The following PCDHB6 variants were observed in gnomAD, a reference collection of about 807,000 sequenced individuals.
PCDHB6 encodes protocadherin beta-6.
For synonymous variants in PCDHB6, 506 were observed against 459.0 expected, an observed-to-expected ratio of 1.10 and a Z score of -1.31; for missense variants, 1,137 against 1,010.1, an observed-to-expected ratio of 1.13 and a Z score of -1.70.
chr5:141,152,229 G>T lies in PCDHB6; in HGVS notation c.1972G>T (p.Val658Leu), dbSNP rs782384879. The T allele has an allele frequency of 2.0e-5, 32 of 1,607,112 alleles. No individual in the cohort carries two copies. The African/African-American group carries it at 2.1e-4, about 11-fold the overall frequency. ...PPRSATATLHVLLVDGFSQPY... is the reference protein window; with the variant it reads ...PPRSATATLHLLLVDGFSQPY... ...GCGCTCGGCCACCGCCACGCTGCAC[G>T]TGCTCCTGGTGGACGGCTTCTCCCA... Residue 658 changes from valine to leucine, a missense_variant, in exon 1 of 1, where the codon GTG becomes TTG. Val to Leu is a conservative substitution (Grantham distance 32). Transcript: ENST00000231136.
rs1554277429 is a variant in PCDHB6, at chr5:141,150,513, A to T, written c.256A>T (p.Asn86Tyr). The T allele has an allele frequency of 6.2e-7, 1 of 1,614,158 alleles. No individual in the cohort carries two copies. The highest frequency in any genetic ancestry group is 8.5e-7 in the Non-Finnish European group (1 of 1,180,030). ...FDPQTHDLLL[N>Y]EKLDREELCG... ...TCCACAGACCCATGATTTACTGCTA[A>T]ATGAAAAACTGGACCGGGAGGAGCT... Residue 86 changes from asparagine to tyrosine, a missense_variant, in exon 1 of 1, where the codon AAT (asparagine) becomes TAT (tyrosine). Coordinates refer to ENST00000231136, the MANE Select transcript of PCDHB6 (RefSeq NM_018939.4).
rs782386083 is a variant in PCDHB6 at position 141,152,099 on chromosome 5, C to T, written c.1842C>T (p.Gly614=). Residue 614 remains glycine (G), a synonymous_variant, in exon 1 of 1, where the codon GGC becomes GGT. Transcript: ENST00000231136. ...AGGCCACGGAGCTCGGTCTGTTCGG[C>T]GTGTGGGCGCACAATGGCGAGGTGC... The part of the protein sequence containing the change: ...LLKATELGLF[G]VWAHNGEVRT... 362 of 1,605,664 alleles carry T rather than the reference C, an allele frequency of 2.3e-4. 1 individual carries two copies. Among genetic ancestry groups the T allele is most frequent in the Non-Finnish European group, 2.6e-4 (309 of 1,178,768 alleles).
rs1392741164 is a variant in PCDHB6 at position 141,151,488 on chromosome 5, A to G, written c.1231A>G (p.Ser411Gly). The change falls in exon 1 of 1, where the codon AGC (serine) becomes GGC (glycine). Residue 411 changes from serine to glycine, a missense_variant. Ser to Gly is a moderately conservative substitution (Grantham distance 56). Coordinates refer to ENST00000231136, the MANE Select transcript of PCDHB6 (RefSeq NM_018939.4). ...LVTEGALDRESRAEYNITITV... is the reference protein window; with the variant it reads ...LVTEGALDREGRAEYNITITV... Reference sequence around the variant, plus strand: ...AACAGAAGGCGCGCTGGACAGAGAGAGCAGAGCCGAGTACAACATCACTAT... The same window carrying G: ...AACAGAAGGCGCGCTGGACAGAGAGGGCAGAGCCGAGTACAACATCACTAT... The G allele has an allele frequency of 1.2e-6, 2 of 1,614,032 alleles. No homozygotes were observed. The highest frequency in any genetic ancestry group is 1.7e-6 in the Non-Finnish European group (2 of 1,180,038).
In PCDHB6 at chr5:141,150,828, C is replaced by A; in HGVS notation, c.571C>A (p.Pro191Thr). The A allele has an allele frequency of 6.2e-7, 1 of 1,614,184 alleles. No homozygotes were observed. Among genetic ancestry groups the A allele is most frequent in the Non-Finnish European group, 8.5e-7 (1 of 1,180,034 alleles). ...TRNRSEGRKFPELVLDKPLDR... is the reference protein window; with the variant it reads ...TRNRSEGRKFTELVLDKPLDR... ...CAATCGCAGCGAAGGCAGGAAGTTCCCGGAGCTGGTGCTAGACAAACCGTT... is the reference window on the plus strand; with the variant it reads ...CAATCGCAGCGAAGGCAGGAAGTTCACGGAGCTGGTGCTAGACAAACCGTT... The change falls in exon 1 of 1, where the codon CCG becomes ACG. Residue 191 changes from proline (P) to threonine (T), a missense_variant. Transcript: ENST00000231136.
chr5:141,151,476 C>G lies in PCDHB6; in HGVS notation c.1219C>G (p.Leu407Val). 6.2e-7 allele frequency: 1 copy of G among 1,614,164 alleles called. No individual in the cohort carries two copies. Among genetic ancestry groups the G allele is most frequent in the African/African-American group, 1.3e-5 (1 of 75,022 alleles). ...CTACACCCTGGTAACAGAAGGCGCG[C>G]TGGACAGAGAGAGCAGAGCCGAGTA... ...NFYTLVTEGA[L>V]DRESRAEYNI... Residue 407 changes from leucine to valine, a missense_variant, in exon 1 of 1, where the codon CTG becomes GTG. Transcript: ENST00000231136.
rs1228348814 is a variant in PCDHB6, at chr5:141,152,885, A to G, written c.*243A>G. 1 of 301,260 alleles carries G rather than the reference A, an allele frequency of 3.3e-6. No individual in the cohort carries two copies. Among genetic ancestry groups the G allele is most frequent in the Non-Finnish European group, 6.3e-6 (1 of 159,102 alleles). The allele number at this position is 301,260 out of a possible 1,614,324, so 18.7% of individuals were successfully genotyped here. On this transcript the variant is annotated 3_prime_UTR_variant, in exon 1 of 1. Transcript: ENST00000231136. Reference sequence around the variant, plus strand: ...CATAATTTTAAGCTTTTGAAATTAAATTATCTATTCTTCCCCCCCCCAAAA... The same window carrying G: ...CATAATTTTAAGCTTTTGAAATTAAGTTATCTATTCTTCCCCCCCCCAAAA...
rs782588449 is a variant in PCDHB6 at position 141,151,053 on chromosome 5, A to G, written c.796A>G (p.Arg266Gly). 3.1e-6 allele frequency: 5 copies of G among 1,614,120 alleles called. No homozygotes were observed. The highest frequency in any genetic ancestry group is 3.3e-5 in the Admixed American group (2 of 60,006). Reference protein sequence around the residue: ...LGSLVITVSARDLDAGSFGKV... With the variant: ...LGSLVITVSAGDLDAGSFGKV... ...CTCTCTGGTTATTACCGTCTCAGCCAGAGATTTAGATGCAGGATCGTTTGG... is the reference window on the plus strand; with the variant it reads ...CTCTCTGGTTATTACCGTCTCAGCCGGAGATTTAGATGCAGGATCGTTTGG... Residue 266 changes from arginine to glycine, a missense_variant, in exon 1 of 1, where the codon AGA becomes GGA. Arg to Gly is a moderately radical substitution (Grantham distance 125, BLOSUM62 -2). Coordinates refer to ENST00000231136, the MANE Select transcript of PCDHB6 (RefSeq NM_018939.4).
Position 141,151,555 on chromosome 5 carries a change from A to T in PCDHB6, c.1298A>T (p.Gln433Leu). Residue 433 changes from glutamine (Q) to leucine (L), a missense_variant, in exon 1 of 1, where the codon CAG becomes CTG. By Grantham distance (113) the Gln-to-Leu change is moderately radical. Transcript: ENST00000231136. ...GGGACACCAAGGCTGAAAACCCAGC[A>T]GAGCATAACTGTGCAGGTCTCCGAC... The part of the protein sequence containing the change: ...DLGTPRLKTQ[Q>L]SITVQVSDVN... The T allele has an allele frequency of 6.2e-7, 1 of 1,614,198 alleles. No individual in the cohort carries two copies.
In PCDHB6 at chr5:141,151,916, C is replaced by T. The variant is rs781860579; in HGVS notation, c.1659C>T (p.Asn553=). 1.9e-6 allele frequency: 3 copies of T among 1,611,684 alleles called. No individual in the cohort carries two copies. Among genetic ancestry groups the T allele is most frequent in the Non-Finnish European group, 2.5e-6 (3 of 1,179,762 alleles). Residue 553 remains asparagine, a synonymous_variant, in exon 1 of 1, where the codon AAC becomes AAT. Transcript: ENST00000231136. Reference sequence around the variant, plus strand: ...TGCGCTTGCTGGTGCTGGACGCCAACGACAACTCGCCCTTCGTGTTGTACC... The same window carrying T: ...TGCGCTTGCTGGTGCTGGACGCCAATGACAACTCGCCCTTCGTGTTGTACC... ...ALVRLLVLDA[N]DNSPFVLYPL...
In PCDHB6 at chr5:141,150,142, G is replaced by C. The variant is rs782248955; in HGVS notation, c.-116G>C. On this transcript the variant is annotated 5_prime_UTR_variant, in exon 1 of 1. Coordinates refer to ENST00000231136, the MANE Select transcript of PCDHB6 (RefSeq NM_018939.4). ...GTGTCCGGGAAGGCAGTCGTCGCCA[G>C]ACAAGTTGTAAGAACGAATTTAAAA... 8 of 793,184 alleles carry C rather than the reference G, an allele frequency of 1.0e-5. No homozygotes were observed. The highest frequency in any genetic ancestry group is 1.2e-5 in the Non-Finnish European group (6 of 501,044). The allele number at this position is 793,184 out of a possible 1,614,324, so 49.1% of individuals were successfully genotyped here. A position where few individuals can be genotyped will look rare whatever the true frequency, so the allele number is the denominator to read the frequency against.
chr5:141,150,835 T>C lies in PCDHB6; in HGVS notation c.578T>C (p.Leu193Pro), dbSNP rs1752837038. Reference sequence around the variant, plus strand: ...AGCGAAGGCAGGAAGTTCCCGGAGCTGGTGCTAGACAAACCGTTGGACCGC... The same window carrying C: ...AGCGAAGGCAGGAAGTTCCCGGAGCCGGTGCTAGACAAACCGTTGGACCGC... ...NRSEGRKFPE[L>P]VLDKPLDREE... Residue 193 changes from leucine to proline, a missense_variant, in exon 1 of 1, where the codon CTG (leucine) becomes CCG (proline). Transcript: ENST00000231136. 9 of 1,614,232 alleles carry C rather than the reference T, an allele frequency of 5.6e-6. No individual in the cohort carries two copies. The highest frequency in any genetic ancestry group is 7.6e-6 in the Non-Finnish European group (9 of 1,180,040).
rs986638750 is a variant in PCDHB6 at position 141,153,138 on chromosome 5, T to C, written c.*496T>C. 14 of 167,008 alleles carry C rather than the reference T, an allele frequency of 8.4e-5. No homozygotes were observed. The highest frequency in any genetic ancestry group is 3.4e-4 in the African/African-American group (14 of 41,346). The allele number at this position is 167,008 out of a possible 1,614,324, so 10.3% of individuals were successfully genotyped here. A position where few individuals can be genotyped will look rare whatever the true frequency, so the allele number is the denominator to read the frequency against. ...TTATGCATATTTTAGTATCCCATAA[T>C]AGTCAATCCAAAATTTTTGTGACTA... is the stretch of plus-strand genomic sequence containing the variant. On this transcript the variant is annotated 3_prime_UTR_variant, in exon 1 of 1. Coordinates refer to ENST00000231136, the MANE Select transcript of PCDHB6 (RefSeq NM_018939.4).
rs377201381 is a variant in PCDHB6 at position 141,150,327 on chromosome 5, G to C, written c.70G>C (p.Glu24Gln). The C allele has an allele frequency of 6.2e-7, 1 of 1,614,196 alleles. No individual in the cohort carries two copies. Among genetic ancestry groups the C allele is most frequent in the Admixed American group, 1.7e-5 (1 of 60,028 alleles). The change falls in exon 1 of 1, where the codon GAG becomes CAG. Residue 24 changes from glutamate to glutamine, a missense_variant. By Grantham distance (29) the Glu-to-Gln change is conservative. Coordinates refer to ENST00000231136, the MANE Select transcript of PCDHB6 (RefSeq NM_018939.4). ...AFFILLMLWG[E>Q]VGSESIQYSV... ...CTTCATTTTATTGATGCTTTGGGGAGAGGTGGGTTCTGAATCGATTCAGTA... is the reference window on the plus strand; with the variant it reads ...CTTCATTTTATTGATGCTTTGGGGACAGGTGGGTTCTGAATCGATTCAGTA...
rs1261815029 is a variant in PCDHB6, at chr5:141,153,113, T to C, written c.*471T>C. 6.0e-6 allele frequency: 1 copy of C among 167,264 alleles called. No homozygotes were observed. The highest frequency in any genetic ancestry group is 6.5e-5 in the Admixed American group (1 of 15,302). The allele number at this position is 167,264 out of a possible 1,614,324, so 10.4% of individuals were successfully genotyped here. On this transcript the variant is annotated 3_prime_UTR_variant, in exon 1 of 1. Coordinates refer to ENST00000231136, the MANE Select transcript of PCDHB6 (RefSeq NM_018939.4). Reference sequence around the variant, plus strand: ...TAAACACTAAAGTAGCCATTCATACTTATGCATATTTTAGTATCCCATAAT... The same window carrying C: ...TAAACACTAAAGTAGCCATTCATACCTATGCATATTTTAGTATCCCATAAT...
rs781832008 is a variant in PCDHB6 at position 141,152,371 on chromosome 5, T to A, written c.2114T>A (p.Leu705Gln). ...TCGCTCTTCCTCTTTTCGGTGCTCC[T>A]GTTCGTGGCGGTGCGGCTGTGCAGG... is the stretch of plus-strand genomic sequence containing the variant. Reference protein sequence around the residue: ...VSSLFLFSVLLFVAVRLCRRS... With the variant: ...VSSLFLFSVLQFVAVRLCRRS... The change falls in exon 1 of 1, where the codon CTG becomes CAG. Residue 705 changes from leucine to glutamine, a missense_variant. Physicochemically the swap from Leu to Gln is moderately radical, Grantham distance 113. Transcript: ENST00000231136. 3 of 1,611,858 alleles carry A rather than the reference T, an allele frequency of 1.9e-6. No homozygotes were observed. Among genetic ancestry groups the A allele is most frequent in the South Asian group, 2.2e-5 (2 of 91,032 alleles).
At position 141,152,143 on chromosome 5, in the gene PCDHB6, G is replaced by T; in HGVS notation, c.1886G>T (p.Ser629Ile). 6.2e-7 allele frequency: 1 copy of T among 1,607,874 alleles called. No individual in the cohort carries two copies. The highest frequency in any genetic ancestry group is 8.5e-7 in the Non-Finnish European group (1 of 1,179,704). Residue 629 changes from serine to isoleucine, a missense_variant, in exon 1 of 1, where the codon AGC (serine) becomes ATC (isoleucine). By Grantham distance (142) the Ser-to-Ile change is moderately radical (BLOSUM62 -2). Coordinates refer to ENST00000231136, the MANE Select transcript of PCDHB6 (RefSeq NM_018939.4). ...NGEVRTARLL[S>I]ERDAAKHRLV... ...GAGGTGCGCACCGCCAGGCTGCTGA[G>T]CGAGCGAGACGCAGCCAAGCACAGG...
Position 141,151,588 on chromosome 5 carries a change from A to T in PCDHB6, c.1331A>T (p.Asp444Val), listed in dbSNP as rs781946790. 1 of 1,613,964 alleles carries T rather than the reference A, an allele frequency of 6.2e-7. No homozygotes were observed. The highest frequency in any genetic ancestry group is 8.5e-7 in the Non-Finnish European group (1 of 1,180,024). The change falls in exon 1 of 1, where the codon GAC (aspartate) becomes GTC (valine). Residue 444 changes from aspartate (D) to valine (V), a missense_variant. By Grantham distance (152) the Asp-to-Val change is radical. Transcript: ENST00000231136. ...ACTGTGCAGGTCTCCGACGTCAATG[A>T]CAACGCCCCCGCCTTCACCCAAACC... ...SITVQVSDVN[D>V]NAPAFTQTSY...
chr5:141,150,226 G>C lies in PCDHB6; in HGVS notation c.-32G>C. On this transcript the variant is annotated 5_prime_UTR_variant, in exon 1 of 1. Coordinates refer to ENST00000231136, the MANE Select transcript of PCDHB6 (RefSeq NM_018939.4). Reference sequence around the variant, plus strand: ...AGATGTGGTGATTGGGAGCTGAAAAGGATTTTTCTTCCGTATTCAGACATA... The same window carrying C: ...AGATGTGGTGATTGGGAGCTGAAAACGATTTTTCTTCCGTATTCAGACATA... 1 of 1,527,808 alleles carries C rather than the reference G, an allele frequency of 6.5e-7. No individual in the cohort carries two copies. Among genetic ancestry groups the C allele is most frequent in the Admixed American group, 1.8e-5 (1 of 54,804 alleles). 94.6% of individuals were successfully genotyped at this position (1,527,808 alleles called of 1,614,324 possible).
In PCDHB6 at chr5:141,152,562, A is replaced by T; in HGVS notation, c.2305A>T (p.Met769Leu). The T allele has an allele frequency of 6.2e-7, 1 of 1,613,972 alleles. No homozygotes were observed. Among genetic ancestry groups the T allele is most frequent in the South Asian group, 1.1e-5 (1 of 91,076 alleles). ...TGAGTTCAAGTTCCTGAAGCCGATTATGCCCAACTTCCCTCCTCAGGGCAC... is the reference window on the plus strand; with the variant it reads ...TGAGTTCAAGTTCCTGAAGCCGATTTTGCCCAACTTCCCTCCTCAGGGCAC... ...TNEFKFLKPI[M>L]PNFPPQGTER... Residue 769 changes from methionine to leucine, a missense_variant, in exon 1 of 1, where the codon ATG becomes TTG. Met to Leu is a conservative substitution (Grantham distance 15, BLOSUM62 2). Transcript: ENST00000231136.
Sources: allele counts gnomAD v4.1 joint callset, GRCh38; gene constraint gnomAD v4.1.1; transcripts MANE v1.5; gene names NCBI Gene and HGNC (gene_info 2026-07-23, HGNC 2026-07-21).